The following CHRNB4 variants were observed in gnomAD, a reference collection of about 807,000 sequenced individuals.
CHRNB4 encodes neuronal acetylcholine receptor subunit beta-4.
Under a neutral mutation model 40.4 loss-of-function variants are expected in CHRNB4, and 23 were observed. That is an observed-to-expected ratio of 0.57 (90% CI 0.41 to 0.81). CHRNB4 has a LOEUF of 0.81. Ranked by LOEUF, CHRNB4 falls within the 30% of genes least tolerant of loss-of-function variation. The probability of loss-of-function intolerance (pLI) is 0.00; values close to 1 mark genes in which losing one functional copy is unlikely to be tolerated. For synonymous variants in CHRNB4, 285 were observed against 274.4 expected (o/e 1.04, Z -0.38); for missense variants, 568 against 670.6 (o/e 0.85, Z 1.69).
At chr15:78,635,672 G>C (rs1469700900) in intron 1 of CHRNB4, 85 bp from the exon 2 acceptor site, 26 of 1,569,552 alleles carry the variant, frequency 1.7e-5, no homozygotes, top group Non-Finnish European at 2.1e-5. Flanking sequence ...AGCTGAGAGG[G>C]AGCACAGGTG....
Position 78,629,882 on chromosome 15 carries a change from G to A in CHRNB4, c.423C>T (p.Val141=), listed in dbSNP as rs773790622. ...TGTAGATGGCAGGGGGCAGCCACAG[G>A]ACGCTGCCGTTGGACCGGACTATCA... ...TNLIVRSNGS[V]LWLPPAIYKS... The change falls in exon 5 of 6, where the codon GTC becomes GTT. Residue 141 remains valine, a synonymous_variant. Transcript: ENST00000261751. The surrounding 1 kb of genome is among the most constrained non-coding windows in gnomAD (Gnocchi z 6.8). The A allele has an allele frequency of 1.2e-6, 2 of 1,612,872 alleles. No individual in the cohort carries two copies. The highest frequency in any genetic ancestry group is 1.7e-5 in the Admixed American group (1 of 59,976).
chr15:78,630,040 C>T (rs1596102409), intron 4 of CHRNB4, 95 bp from the exon 5 acceptor site: 1 of 1,356,322 alleles, frequency 7.4e-7, no homozygotes, highest in East Asian at 2.5e-5. Flanking sequence ...GGGATTATTT[C>T]CCACTAATCA....
At chr15:78,641,231 G>A (rs2054069050), upstream of CHRNB4, 1 of 1,152,096 alleles carries the variant, frequency 8.7e-7, no homozygotes, top group Non-Finnish European at 1.2e-6. Flanking sequence ...CCTGGCCCCC[G>A]AGGTTTGCTG....
At chr15:78,633,232 G>A (rs2053872507) in intron 2 of CHRNB4, among the ~76,000 whole-genome samples, 1 of 152,192 alleles carries the variant, frequency 6.6e-6, no homozygotes, top group South Asian at 2.1e-4. Context: ...CCTACAACTA[G>A]ATAAGATTAT....
intron 2 of CHRNB4, among the ~76,000 whole-genome samples, chr15:78,632,653 T>A (rs2053859104): frequency 2.0e-5 from 3 of 151,948 alleles, no homozygotes; most frequent in Non-Finnish European, 4.4e-5. Context: ...CTAAACACCA[T>A]CTATCTATCT....
intron 5 of CHRNB4, among the ~76,000 whole-genome samples, chr15:78,653,593 T>G (rs1320648000): frequency 6.6e-6 from 1 of 152,226 alleles, no homozygotes; most frequent in Admixed American, 6.5e-5. Context: ...ACCTCCTAGC[T>G]GCAAGAATGC....
intron 2 of CHRNB4, among the ~76,000 whole-genome samples, chr15:78,633,072 T>C (rs77802411): frequency 0.022 from 3,285 of 152,330 alleles, 106 homozygotes; most frequent in Non-Finnish European, 0.024. Flanking sequence ...CACCTCCCTA[T>C]GTCCCTCTGT....
chr15:78,652,113 C>G (rs2054177366), intron 6 of CHRNB4, among the ~76,000 whole-genome samples: 1 of 152,230 alleles, frequency 6.6e-6, no homozygotes, highest in Admixed American at 6.5e-5. Flanking sequence ...GCAAAATCCA[C>G]AGGTCCTTCA....
Position 78,641,209 on chromosome 15 carries a change from G to C in CHRNB4, c.-76C>G, listed in dbSNP as rs1328051305. On this transcript the variant is annotated 5_prime_UTR_variant, in exon 1 of 6. Coordinates refer to ENST00000261751, the MANE Select transcript of CHRNB4 (RefSeq NM_000750.5). ...GGGCACCCGTGAGCCGCGCGGTCGA[G>C]TGAGCGCCGGTCCTGGCCCCCGAGG... The C allele has an allele frequency of 7.6e-7, 1 of 1,323,310 alleles. No individual in the cohort carries two copies. The highest frequency in any genetic ancestry group is 9.9e-7 in the Non-Finnish European group (1 of 1,010,270). The allele number at this position is 1,323,310 out of a possible 1,614,324, so 82.0% of individuals were successfully genotyped here. A position where few individuals can be genotyped will look rare whatever the true frequency, so the allele number is the denominator to read the frequency against.
At chr15:78,650,823 C>T (rs1210646123) in intron 6 of CHRNB4, among the ~76,000 whole-genome samples, 1 of 152,134 alleles carries the variant, frequency 6.6e-6, no homozygotes, top group Non-Finnish European at 1.5e-5. Context: ...AGAGATAAGG[C>T]TTAGGGTTGC....
At chr15:78,641,239 C>T, upstream of CHRNB4, 1 of 1,084,278 alleles carries the variant, frequency 9.2e-7, no homozygotes, top group Non-Finnish European at 1.2e-6. Context: ...CCGAGGTTTG[C>T]TGGCGGGGCG....
chr15:78,652,156 G>C lies in CHRNB4; in HGVS notation c.-16+422C>G, dbSNP rs77343929. 4.0e-3 allele frequency among the ~76,000 whole-genome samples: 617 copies of C among 152,348 alleles called. 5 individuals are homozygous for C. Among genetic ancestry groups the C allele is most frequent in the African/African-American group, 0.014 (582 of 41,576 alleles). On this transcript the variant is annotated intron_variant and NMD_transcript_variant, in intron 6 of 11. Coordinates refer to the CHRNB4 transcript ENST00000559849. ...CTTGCCCACAGCTGCAGCAGGAGGT[G>C]GAGCAGTAATTCCTGCCTGTATCTG...
chr15:78,632,617 T>A (rs527388772), intron 2 of CHRNB4, among the ~76,000 whole-genome samples: 29 of 151,202 alleles, frequency 1.9e-4, no homozygotes, highest in Admixed American at 1.8e-3. Context: ...AGTCTCCTTA[T>A]TTTTTTTTCG....
chr15:78,640,774 A>G (rs1213169836), intron 1 of CHRNB4, among the ~76,000 whole-genome samples: 1 of 152,196 alleles, frequency 6.6e-6, no homozygotes, highest in Non-Finnish European at 1.5e-5. Context: ...CGGTGCCTGC[A>G]AAGCCGGTGT....
Position 78,624,232 on chromosome 15 carries a change from G to A in CHRNB4, c.*901C>T, listed in dbSNP as rs1567102655. ...TCTCATGGAGCTCACACTCTAGTGG[G>A]TGAGCTGTGGATGACATACATGCCA... On this transcript the variant is annotated 3_prime_UTR_variant, in exon 6 of 6. Transcript: ENST00000261751. The A allele has an allele frequency of 6.6e-6, 1 of 152,326 alleles. No homozygotes were observed. The highest frequency in any genetic ancestry group is 1.5e-5 in the Non-Finnish European group (1 of 68,122). The allele number at this position is 152,326 out of a possible 1,614,324, so 9.4% of individuals were successfully genotyped here.
At chr15:78,627,832 C>T (rs527976763) in intron 5 of CHRNB4, 2 of 152,280 alleles carry the variant, frequency 1.3e-5, no homozygotes, top group South Asian at 4.1e-4. Flanking sequence ...GCACTCATTG[C>T]TTTATCCTGT....
At chr15:78,625,359 C>G (rs2053628421) in intron 5 of CHRNB4, 68 bp from the exon 6 acceptor site, 2 of 1,423,858 alleles carry the variant, frequency 1.4e-6, no homozygotes, top group Non-Finnish European at 1.9e-6. Context: ...CCGAGTCAGG[C>G]CCTTACTCTC....
At chr15:78,632,168 TTTC>T in intron 2 of CHRNB4, among the ~76,000 whole-genome samples, 3 of 58,788 alleles carry the variant, frequency 5.1e-5, no homozygotes, top group African/African-American at 1.3e-4. Context: ...TTTTCTTTTC[TTTC>T]TCTTTCTTTC....
chr15:78,647,861 C>CAAAAAA (rs146991423), intron 7 of CHRNB4, among the ~76,000 whole-genome samples: 30 of 39,078 alleles, frequency 7.7e-4, no homozygotes, highest in Admixed American at 1.2e-3. Context: ...GACTCCATCT[C>CAAAAAA]AAAAAAAAAA....
Sources: gnomAD v4.1 joint callset for allele counts (sites outside exome capture counted in the v4.1 genomes callset) on GRCh38, gnomAD v4.1.1 for gene constraint, Gnocchi (gnomAD v3.1) non-coding constraint, MANE v1.5 for transcripts, NCBI Gene and HGNC (gene_info 2026-07-23, HGNC 2026-07-21) for gene names.